Variants in MBOAT7 observed in about 807,000 individuals in gnomAD.
MBOAT7 encodes membrane bound acylglycerophosphatidylinositol O-acyltransferase MBOAT7, also known as membrane-bound acylglycerophosphatidylinositol O-acyltransferase MBOAT7.
In MBOAT7, 40 loss-of-function variants were observed where a neutral mutation model predicts 47.4. The observed-to-expected ratio is 0.84, with a 90% CI of 0.66 to 1.10. The LOEUF is 1.10. MBOAT7 is among the 50% of genes least tolerant of loss of function. MBOAT7 has a pLI of 0.00. For missense variants in MBOAT7, 680 were observed against 655.6 expected, an observed-to-expected ratio of 1.04 and a Z score of -0.41; for synonymous variants, 361 against 292.0, an observed-to-expected ratio of 1.24 and a Z score of -2.41.
intron 5 of MBOAT7, among the ~76,000 whole-genome samples, chr19:54,183,125 G>A (rs998080066): frequency 1.3e-5 from 2 of 152,082 alleles, no homozygotes; most frequent in Non-Finnish European, 2.9e-5. Flanking sequence ...CTCAGCCTCC[G>A]AAAGTGCTAG....
In MBOAT7 at chr19:54,180,780, G is replaced by A. The variant is rs1055465093; in HGVS notation, c.847C>T (p.Pro283Ser). ...TCCCTCGCGCCGCCTGACCTGCTGG[G>A]GGGTGGGCATTGGAGGGTGGGGCCG... ...GGGPTLQCPP[P>S]SSPEKAASLE... The change falls in exon 6 of 8, where the codon CCC (proline) becomes TCC (serine). Residue 283 changes from proline to serine, a missense_variant. Coordinates refer to ENST00000245615, the MANE Select transcript of MBOAT7 (RefSeq NM_024298.5). The surrounding 1 kb of genome is among the most constrained non-coding windows in gnomAD (Gnocchi z 5.2). The A allele has an allele frequency of 1.3e-6, 2 of 1,542,580 alleles. No homozygotes were observed. The highest frequency in any genetic ancestry group is 1.2e-5 in the South Asian group (1 of 83,212).
At chr19:54,178,510 C>G in intron 7 of MBOAT7, 5 of 1,389,450 alleles carry the variant, frequency 3.6e-6, no homozygotes, top group South Asian at 1.7e-5. Context: ...ATTGAGTCCA[C>G]AGGACTCAGT....
chr19:54,176,062 G>A (rs145448426), intron 7 of MBOAT7, among the ~76,000 whole-genome samples: 1,925 of 152,134 alleles, frequency 0.013, 9 homozygotes, highest in African/African-American at 0.021. Flanking sequence ...TCACCACGTT[G>A]GCCAGGATGG....
rs774136228 is a variant in MBOAT7 at position 54,188,433 on chromosome 19, C to T, written c.76G>A (p.Gly26Ser). Reference protein sequence around the residue: ...IPIGFLFKKAGPGLKRWGAAA... With the variant: ...IPIGFLFKKASPGLKRWGAAA... ...CCACTGGGGAGGGAGCCTGACTCAC[C>T]GGCTTTCTTAAAGAGGAAGCCGATG... The change falls in exon 2 of 8, where the codon GGT becomes AGT. Residue 26 changes from glycine to serine, a missense_variant and splice_region_variant. Transcript: ENST00000245615. 6.4e-6 allele frequency: 10 copies of T among 1,563,404 alleles called. No individual in the cohort carries two copies. In the African/African-American group the frequency reaches 6.8e-5, roughly 11 times the overall value.
intron 7 of MBOAT7, among the ~76,000 whole-genome samples, chr19:54,177,843 C>T (rs576142682): frequency 1.3e-5 from 2 of 150,118 alleles, no homozygotes; most frequent in South Asian, 4.2e-4. Context: ...CCTGGGCCTC[C>T]CAAACTGCTG....
At position 54,174,580 on chromosome 19, in the gene MBOAT7, AC is replaced by A. The variant is rs1321783700; in HGVS notation, c.1032-150del. The A allele has an allele frequency of 4.1e-6, 3 of 740,404 alleles. No individual in the cohort carries two copies. The East Asian group carries it at 9.8e-5, about 24-fold the overall frequency. The allele number at this position is 740,404 out of a possible 1,614,324, so 45.9% of individuals were successfully genotyped here. ...TCCTCCCTCAGACCCAGGAGTCCAG[AC>A]CCCACCCCTTCCTCCCTCAGACCCA... is the stretch of plus-strand genomic sequence containing the variant. On this transcript the variant is annotated intron_variant, in intron 7 of 7. Transcript: ENST00000245615.
chr19:54,183,909 G>A (rs921503684), intron 4 of MBOAT7, among the ~76,000 whole-genome samples: 4 of 152,140 alleles, frequency 2.6e-5, no homozygotes, highest in African/African-American at 9.7e-5. Context: ...CAATCACGGA[G>A]GTTTCGATAC....
intron 7 of MBOAT7, among the ~76,000 whole-genome samples, chr19:54,175,456 C>T (rs1006057459): frequency 1.3e-5 from 2 of 152,200 alleles, no homozygotes; most frequent in East Asian, 3.8e-4. Flanking sequence ...TAACATTTGA[C>T]AACTCCTGCC....
At position 54,178,898 on chromosome 19, in the gene MBOAT7, G is replaced by A. The variant is rs145343446; in HGVS notation, c.898C>T (p.Arg300Cys). The change falls in exon 7 of 8, where the codon CGC (arginine) becomes TGC (cysteine). Residue 300 changes from arginine to cysteine, a missense_variant. Coordinates refer to ENST00000245615, the MANE Select transcript of MBOAT7 (RefSeq NM_024298.5). ...ASLEYDYETI[R>C]NIDCYSTDFC... ...TCTGTGCTGTAGCAGTCGATGTTGCGGATGGTCTCATAGTCATACTCCAAG... is the reference window on the plus strand; with the variant it reads ...TCTGTGCTGTAGCAGTCGATGTTGCAGATGGTCTCATAGTCATACTCCAAG... 19 of 1,613,374 alleles carry A rather than the reference G, an allele frequency of 1.2e-5. No homozygotes were observed. The highest frequency in any genetic ancestry group is 9.3e-5 in the African/African-American group (7 of 74,926).
At chr19:54,177,052 C>T (rs1310482594) in intron 7 of MBOAT7, among the ~76,000 whole-genome samples, 7 of 151,594 alleles carry the variant, frequency 4.6e-5, no homozygotes, top group East Asian at 3.9e-4. Flanking sequence ...TGAAACCCTG[C>T]GTCTACTCTT....
chr19:54,188,472 G>A lies in MBOAT7; in HGVS notation c.37C>T (p.Leu13Phe), dbSNP rs1443071748. The A allele has an allele frequency of 4.5e-6, 7 of 1,555,804 alleles. No homozygotes were observed. Among genetic ancestry groups the A allele is most frequent in the Non-Finnish European group, 6.1e-6 (7 of 1,148,860 alleles). The change falls in exon 2 of 8, where the codon CTT (leucine) becomes TTT (phenylalanine). Residue 13 changes from leucine (L) to phenylalanine (F), a missense_variant. Coordinates refer to ENST00000245615, the MANE Select transcript of MBOAT7 (RefSeq NM_024298.5). Reference sequence around the variant, plus strand: ...AGGAAGCCGATGGGGATGGAGATAAGAAGAACCACTAGATACGTCCATTCT... The same window carrying A: ...AGGAAGCCGATGGGGATGGAGATAAAAAGAACCACTAGATACGTCCATTCT... ...PEEWTYLVVL[L>F]ISIPIGFLFK...
intron 7 of MBOAT7, chr19:54,178,428 CAACT>C: frequency 7.9e-7 from 1 of 1,267,376 alleles, no homozygotes; most frequent in South Asian, 2.6e-5. Flanking sequence ...ACACTTGAGG[CAACT>C]AAGAGGTCAA....
intron 1 of MBOAT7, 23 bp from the exon 2 acceptor site, chr19:54,188,534 C>T (rs1438623717): frequency 3.9e-6 from 6 of 1,548,416 alleles, no homozygotes; most frequent in Non-Finnish European, 5.2e-6. Flanking sequence ...CAGAGATTCA[C>T]AGTGAGAACC....
At chr19:54,178,707 G>C in intron 7 of MBOAT7, 58 bp downstream of exon 7, 2 of 1,589,626 alleles carry the variant, frequency 1.3e-6, no homozygotes, top group South Asian at 1.1e-5. Flanking sequence ...GGCTACCCTG[G>C]GGCCTGCTGG....
In MBOAT7 at chr19:54,183,897, C is replaced by T. The variant is rs368048313; in HGVS notation, c.334-217G>A. 9.2e-5 allele frequency among the ~76,000 whole-genome samples: 14 copies of T among 152,300 alleles called. No homozygotes were observed. The South Asian group carries it at 2.1e-3, about 23-fold the overall frequency. On this transcript the variant is annotated intron_variant, in intron 4 of 7. Coordinates refer to ENST00000245615, the MANE Select transcript of MBOAT7 (RefSeq NM_024298.5). ...CCTGTTCTGTGCTTACCTGCTCTCA[C>T]GCAATCACGGAGGTTTCGATACTAT...
At position 54,183,535 on chromosome 19, in the gene MBOAT7, A is replaced by C; in HGVS notation, c.479T>G (p.Val160Gly). 6.2e-7 allele frequency: 1 copy of C among 1,608,150 alleles called. No homozygotes were observed. The highest frequency in any genetic ancestry group is 8.5e-7 in the Non-Finnish European group (1 of 1,177,450). The change falls in exon 5 of 8, where the codon GTG becomes GGG. Residue 160 changes from valine to glycine, a missense_variant. Transcript: ENST00000245615. Reference protein sequence around the residue: ...METLSYSYCYVGIMTGPFFRY... With the variant: ...METLSYSYCYGGIMTGPFFRY... ...GCCCCACTCACCTGTCATGATTCCC[A>C]CGTAGCAGTAGCTGTAGCTGAGTGT... is the stretch of plus-strand genomic sequence containing the variant.
At position 54,180,727 on chromosome 19, in the gene MBOAT7, G is replaced by C. The variant is rs201086333; in HGVS notation, c.854+46C>G. On this transcript the variant is annotated intron_variant, in intron 6 of 7. Transcript: ENST00000245615. This position sits in a 1 kb window ranked among gnomAD's most constrained non-coding sequence, Gnocchi z 5.2. ...GCTAGGGGCAGAGCCAGCCCTTGGA[G>C]GTGGGGGCTGCTGGGTCTTGGGAAG... The C allele has an allele frequency of 2.0e-5, 29 of 1,451,704 alleles. No homozygotes were observed. The East Asian group carries it at 7.1e-4, about 36-fold the overall frequency. 89.9% of individuals were successfully genotyped at this position (1,451,704 alleles called of 1,614,324 possible).
At chr19:54,179,213 C>A in intron 6 of MBOAT7, 3 of 559,970 alleles carry the variant, frequency 5.4e-6, no homozygotes, top group Middle Eastern at 4.7e-4. Context: ...CATGAAAAGC[C>A]TTGAAGGGCT....
chr19:54,188,244 G>A lies in MBOAT7; in HGVS notation c.179C>T (p.Thr60Ile). 6.2e-7 allele frequency: 1 copy of A among 1,613,664 alleles called. No individual in the cohort carries two copies. The highest frequency in any genetic ancestry group is 8.5e-7 in the Non-Finnish European group (1 of 1,179,818). Residue 60 changes from threonine (T) to isoleucine (I), a missense_variant, in exon 3 of 8, where the codon ACC becomes ATC. Physicochemically the swap from Thr to Ile is moderately conservative, Grantham distance 89 (BLOSUM62 -1). Transcript: ENST00000245615. ...GGGCTGGGCCTGAATGAGGGCCCAG[G>A]TCCCGAGGATGGTGACCAGAGAATG... The part of the protein sequence containing the change: ...TLHSLVTILG[T>I]WALIQAQPCS...
Sources: allele counts gnomAD v4.1 joint callset (sites outside exome capture counted in the v4.1 genomes callset), GRCh38; gene constraint gnomAD v4.1.1; non-coding constraint Gnocchi (gnomAD v3.1); transcripts MANE v1.5; gene names NCBI Gene and HGNC (gene_info 2026-07-23, HGNC 2026-07-21).